The following KAZN variants were observed in gnomAD, a reference collection of about 807,000 sequenced individuals.
The protein encoded by KAZN is kazrin, periplakin interacting protein.
KAZN carries 40 observed loss-of-function variants against 87.4 expected under a neutral mutation model. The ratio of observed to expected loss-of-function variants is 0.46; its 90% confidence interval spans 0.36 to 0.60. The LOEUF (loss-of-function observed/expected upper bound fraction) is 0.60. Among genes scored for constraint, KAZN ranks in the 20% least tolerant of loss-of-function variants. KAZN has a pLI of 0.00. For missense variants in KAZN, 898 were observed against 1,073.9 expected (o/e 0.84, Z 2.29); for synonymous variants, 466 against 458.3 (o/e 1.02, Z -0.22).
chr1:14,663,192 A>T (rs1639306916), intron 1 of KAZN, among the ~76,000 whole-genome samples: 1 of 151,952 alleles, frequency 6.6e-6, no homozygotes. Context: ...GTCCAGGCTG[A>T]TCTCAAACTC....
At chr1:15,041,799 C>G (rs1217748179) in intron 3 of KAZN, among the ~76,000 whole-genome samples, 1 of 152,142 alleles carries the variant, frequency 6.6e-6, no homozygotes, top group African/African-American at 2.4e-5. Flanking sequence ...TCTCAGGCGT[C>G]TCCTTTCAGT....
At chr1:14,373,398 AG>A (rs1369030920) in intron 2 of KAZN, among the ~76,000 whole-genome samples, 10 of 152,158 alleles carry the variant, frequency 6.6e-5, no homozygotes, top group Non-Finnish European at 1.2e-4. Flanking sequence ...TCCAAGAGCA[AG>A]AGAAGACTGA....
intron 2 of KAZN, among the ~76,000 whole-genome samples, chr1:14,427,911 A>T (rs545435065): frequency 7.9e-5 from 12 of 152,306 alleles, no homozygotes; most frequent in African/African-American, 2.9e-4. Flanking sequence ...CATGGCAACA[A>T]CTATAGCCGA....
chr1:14,023,510 T>G (rs1245885857), intron 1 of KAZN, among the ~76,000 whole-genome samples: 4 of 152,086 alleles, frequency 2.6e-5, no homozygotes, highest in African/African-American at 9.7e-5. Flanking sequence ...TACAAAGTGG[T>G]CCAGGCAGGA....
intron 1 of KAZN, among the ~76,000 whole-genome samples, chr1:14,115,309 T>C (rs1329384808): frequency 5.9e-5 from 9 of 152,246 alleles, no homozygotes; most frequent in Non-Finnish European, 1.3e-4. Flanking sequence ...TACCTCCTGA[T>C]ATGGTTTGGC....
rs1252371438 is a variant in KAZN, at chr1:15,009,212, G to C, written c.419-25537G>C. ...CTGCAAAGACAGGAAGATTTTTAAA[G>C]CACGCCCAGGGTTAGAGCCTGGGAT... On this transcript the variant is annotated intron_variant, in intron 2 of 14. Coordinates refer to ENST00000376030, the MANE Select transcript of KAZN (RefSeq NM_201628.3). 2.6e-5 allele frequency among the ~76,000 whole-genome samples: 4 copies of C among 152,328 alleles called. No homozygotes were observed. The East Asian group carries it at 7.7e-4, about 29-fold the overall frequency.
chr1:13,983,815 T>C (rs1340729360), intron 1 of KAZN, among the ~76,000 whole-genome samples: 1 of 152,268 alleles, frequency 6.6e-6, no homozygotes, highest in African/African-American at 2.4e-5. Context: ...CTTTTCATTT[T>C]TGTTTCGAAA....
intron 2 of KAZN, among the ~76,000 whole-genome samples, chr1:14,257,944 A>T (rs1571159894): frequency 2.8e-5 from 2 of 71,052 alleles, no homozygotes; most frequent in Admixed American, 2.1e-4. Flanking sequence ...AGAGTATAAT[A>T]AAAAAAAAAA....
intron 2 of KAZN, among the ~76,000 whole-genome samples, chr1:14,542,813 C>T (rs563126401): frequency 2.6e-5 from 4 of 152,258 alleles, no homozygotes; most frequent in Non-Finnish European, 4.4e-5. Flanking sequence ...CCCGGGCAAG[C>T]GGGGGAACAG....
In KAZN at chr1:14,506,511, G is replaced by A. The variant is rs575026834; in HGVS notation, c.250-92472G>A. Among the ~76,000 whole-genome samples, 8 of 152,286 alleles carry A rather than the reference G, an allele frequency of 5.3e-5. No homozygotes were observed. The South Asian group carries it at 8.3e-4, about 16-fold the overall frequency. ...ACATCAGACTGCAGAGCCCCAAATC[G>A]CAGTTCTGCTGCGCACTCACCTGTA... On this transcript the variant is annotated intron_variant, in intron 2 of 16. Coordinates refer to the KAZN transcript ENST00000636203.
chr1:13,994,389 C>T (rs1328944467), intron 1 of KAZN, among the ~76,000 whole-genome samples: 1 of 152,230 alleles, frequency 6.6e-6, no homozygotes, highest in African/African-American at 2.4e-5. Flanking sequence ...TGCACCAATT[C>T]TGTTCTCCAG....
chr1:14,178,524 C>T (rs1175015414), intron 1 of KAZN, among the ~76,000 whole-genome samples: 1 of 152,142 alleles, frequency 6.6e-6, no homozygotes, highest in African/African-American at 2.4e-5. Context: ...CCTAGAGGTT[C>T]CATTTGGTTC....
At chr1:14,425,506 C>A (rs1166519327) in intron 2 of KAZN, among the ~76,000 whole-genome samples, 3 of 152,316 alleles carry the variant, frequency 2.0e-5, no homozygotes, top group Non-Finnish European at 4.4e-5. Flanking sequence ...AACAATAGTG[C>A]AGTAAGATAA....
At chr1:13,961,706 A>G (rs1641759921) in intron 1 of KAZN, among the ~76,000 whole-genome samples, 1 of 152,174 alleles carries the variant, frequency 6.6e-6, no homozygotes, top group Non-Finnish European at 1.5e-5. Flanking sequence ...GCCCACAGGG[A>G]CTCAGACAAG....
At chr1:14,857,109 C>A (rs180990325) in intron 1 of KAZN, among the ~76,000 whole-genome samples, 4 of 152,176 alleles carry the variant, frequency 2.6e-5, no homozygotes, top group Non-Finnish European at 5.9e-5. Flanking sequence ...AGGTTACTAG[C>A]TGTGTGACCT....
chr1:14,234,850 A>G (rs577314905), intron 2 of KAZN, among the ~76,000 whole-genome samples: 46 of 152,386 alleles, frequency 3.0e-4, no homozygotes, highest in Admixed American at 1.6e-3. Flanking sequence ...CCTTTCAGAT[A>G]TGTATACTCA....
chr1:14,902,985 A>G (rs920757388), intron 1 of KAZN, among the ~76,000 whole-genome samples: 3 of 150,814 alleles, frequency 2.0e-5, no homozygotes, highest in Non-Finnish European at 2.9e-5. Context: ...CTCCTGCCTC[A>G]GCCTCCTGAA....
At chr1:13,984,748 A>G (rs1046337670) in intron 1 of KAZN, among the ~76,000 whole-genome samples, 85 of 152,226 alleles carry the variant, frequency 5.6e-4, no homozygotes, top group African/African-American at 1.9e-3. Context: ...AGCATGGCAT[A>G]TAAGTGTGCA....
intron 1 of KAZN, among the ~76,000 whole-genome samples, chr1:14,935,190 C>T: frequency 6.6e-6 from 1 of 152,250 alleles, no homozygotes; most frequent in East Asian, 1.9e-4. Context: ...GCCTCCCCTG[C>T]CAGTCTGGCC....
Sources: gnomAD v4.1 joint callset for allele counts (sites outside exome capture counted in the v4.1 genomes callset) on GRCh38, gnomAD v4.1.1 for gene constraint, MANE v1.5 for transcripts, NCBI Gene and HGNC (gene_info 2026-07-23, HGNC 2026-07-21) for gene names.